The following HIP1 variants were observed in gnomAD, a reference collection of about 807,000 sequenced individuals.
The protein encoded by HIP1 is huntingtin interacting protein 1.
HIP1 carries 65 observed loss-of-function variants against 147.6 expected under a neutral mutation model. The ratio of observed to expected loss-of-function variants is 0.44; its 90% CI spans 0.36 to 0.54. The LOEUF (loss-of-function observed/expected upper bound fraction) is 0.54, where lower values mean the gene tolerates loss of function less well. Ranked by LOEUF, HIP1 falls within the 20% of genes least tolerant of loss-of-function variation. The pLI, the probability that HIP1 is intolerant of heterozygous loss-of-function variation, is 0.00. For synonymous variants in HIP1, 479 were observed against 504.0 expected (o/e 0.95, Z 0.67); for missense variants, 1,061 against 1,299.6 (o/e 0.82, Z 2.82).
At chr7:75,638,005 TACACACACACACACAC>T (rs372119007) in intron 1 of HIP1, among the ~76,000 whole-genome samples, 2 of 43,982 alleles carry the variant, frequency 4.5e-5, no homozygotes, top group Admixed American at 6.7e-4. Flanking sequence ...CACACACACA[TACACACACACACACAC>T]ACACACACAC....
At chr7:75,727,594 C>T (rs953588912) in intron 1 of HIP1, among the ~76,000 whole-genome samples, 1 of 152,026 alleles carries the variant, frequency 6.6e-6, no homozygotes, top group Admixed American at 6.6e-5. Context: ...GCCTATAATA[C>T]CAGCACTTTG....
rs782344212 is a variant in HIP1 at position 75,614,725 on chromosome 7, T to C, written c.121-15478A>G. The stretch of plus-strand genomic sequence containing the variant: ...TGTTACAATAGCGAATTTCATGTTA[T>C]ATGTATTTTGTCACAGGAAAAAAAA... On this transcript the variant is annotated intron_variant, in intron 1 of 30. Coordinates refer to ENST00000336926, the MANE Select transcript of HIP1 (RefSeq NM_005338.7). Among the ~76,000 whole-genome samples the C allele has an allele frequency of 2.7e-5, 4 of 149,520 alleles. 1 individual carries two copies. Among genetic ancestry groups the C allele is most frequent in the African/African-American group, 1.0e-4 (4 of 39,678 alleles).
chr7:75,679,193 A>G (rs1437189469), intron 1 of HIP1, among the ~76,000 whole-genome samples: 2 of 152,128 alleles, frequency 1.3e-5, no homozygotes, highest in Non-Finnish European at 2.9e-5. Flanking sequence ...CTAGATCAAC[A>G]ATACATCTTG....
intron 22 of HIP1, among the ~76,000 whole-genome samples, chr7:75,551,680 C>T (rs1447858968): frequency 6.6e-6 from 1 of 152,086 alleles, no homozygotes; most frequent in African/African-American, 2.4e-5. Flanking sequence ...GGTGATCCTC[C>T]TGCCTCAGCC....
intron 7 of HIP1, among the ~76,000 whole-genome samples, chr7:75,578,496 T>C (rs1795922190): frequency 6.6e-6 from 1 of 152,112 alleles, no homozygotes; most frequent in African/African-American, 2.4e-5. Context: ...GGCAACATAA[T>C]GAAGCCTTGT....
Position 75,553,434 on chromosome 7 carries a change from A to G in HIP1, c.2295+19T>C, listed in dbSNP as rs1554492485. On this transcript the variant is annotated intron_variant, in intron 22 of 30. Coordinates refer to ENST00000336926, the MANE Select transcript of HIP1 (RefSeq NM_005338.7). ...CCCAGAAGAATAACAATGCTCCTCA[A>G]TGATACTACTCCAAGTACCTCGCCG... is the stretch of plus-strand genomic sequence containing the variant. 1 of 1,612,402 alleles carries G rather than the reference A, an allele frequency of 6.2e-7. No homozygotes were observed. The highest frequency in any genetic ancestry group is 2.2e-5 in the East Asian group (1 of 44,854).
intron 1 of HIP1, among the ~76,000 whole-genome samples, chr7:75,648,856 A>G (rs904930195): frequency 6.6e-6 from 1 of 152,126 alleles, no homozygotes; most frequent in Non-Finnish European, 1.5e-5. Flanking sequence ...CTGTAATCCC[A>G]GCACTTTAGG....
chr7:75,593,199 C>T (rs1796561912), intron 2 of HIP1, among the ~76,000 whole-genome samples: 1 of 152,080 alleles, frequency 6.6e-6, no homozygotes, highest in Non-Finnish European at 1.5e-5. Flanking sequence ...AAGCTCCTGG[C>T]CTCAAGTGGT....
intron 8 of HIP1, among the ~76,000 whole-genome samples, chr7:75,572,713 T>G (rs1795689971): frequency 6.6e-6 from 1 of 152,186 alleles, no homozygotes; most frequent in Admixed American, 6.5e-5. Flanking sequence ...AGCCTCCCTG[T>G]GCTCTTGAGG....
intron 9 of HIP1, among the ~76,000 whole-genome samples, chr7:75,565,846 C>CCGAAGATAACCTCACGCCCACAAGTATT (rs1563206893): frequency 2.6e-5 from 4 of 151,468 alleles, no homozygotes; most frequent in African/African-American, 9.8e-5. Context: ...ATTCTCCTGC[C>CCGAAGATAACCTCACGCCCACAAGTATT]TCAGCCTCCT....
chr7:75,586,500 C>T (rs587770081), intron 5 of HIP1, among the ~76,000 whole-genome samples: 1 of 152,276 alleles, frequency 6.6e-6, no homozygotes, highest in African/African-American at 2.4e-5. Context: ...CCGTGCCTGG[C>T]CAGGTTTCTT....
chr7:75,721,927 G>A (rs73145057), intron 1 of HIP1, among the ~76,000 whole-genome samples: 21,779 of 152,148 alleles, frequency 0.14, 2,247 homozygotes, highest in East Asian at 0.46. Context: ...GCCTAACAAG[G>A]GCCAGGTGTC....
At chr7:75,656,432 A>AG (rs1343047668) in intron 1 of HIP1, among the ~76,000 whole-genome samples, 1 of 103,042 alleles carries the variant, frequency 9.7e-6, no homozygotes, top group Non-Finnish European at 2.0e-5. Flanking sequence ...CTATAAACTT[A>AG]GAAAAAAAAA....
rs148437542 is a variant in HIP1, at chr7:75,621,098, C to T, written c.121-21851G>A. ...ATTTAAAATGAAAAAATTAGCCTGGCTTGGTGGCAGAGGTGGGAGGATGGC... is the reference window on the plus strand; with the variant it reads ...ATTTAAAATGAAAAAATTAGCCTGGTTTGGTGGCAGAGGTGGGAGGATGGC... On this transcript the variant is annotated intron_variant, in intron 1 of 30. Coordinates refer to ENST00000336926, the MANE Select transcript of HIP1 (RefSeq NM_005338.7). 6.0e-4 allele frequency among the ~76,000 whole-genome samples: 92 copies of T among 152,128 alleles called. 1 individual carries two copies. The highest frequency in any genetic ancestry group is 2.0e-3 in the African/African-American group (82 of 41,502).
Position 75,595,204 on chromosome 7 carries a change from CT to C in HIP1, c.185-2691del, listed in dbSNP as rs1354016354. Among the ~76,000 whole-genome samples, 52 of 59,940 alleles carry C rather than the reference CT, an allele frequency of 8.7e-4. 1 individual carries two copies. The South Asian group carries it at 0.031, about 35-fold the overall frequency. 39.3% of individuals were successfully genotyped at this position (59,940 alleles called of 152,430 possible). A position where few individuals can be genotyped will look rare whatever the true frequency, so the allele number is the denominator to read the frequency against. ...GTAGGAGTCCTTTCTTTCTTTCTTT[CT>C]TTCTTTCTTTCTTTCTTTCTTTCTT... On this transcript the variant is annotated intron_variant, in intron 2 of 30. Transcript: ENST00000336926.
At chr7:75,544,065 G>A (rs781974369) in intron 27 of HIP1, among the ~76,000 whole-genome samples, 3 of 151,854 alleles carry the variant, frequency 2.0e-5, no homozygotes, top group South Asian at 2.1e-4. Context: ...CCAGCTACTC[G>A]GGAGGCTGAG....
chr7:75,609,597 C>T (rs925081729), intron 1 of HIP1, among the ~76,000 whole-genome samples: 3 of 150,524 alleles, frequency 2.0e-5, no homozygotes, highest in African/African-American at 2.4e-5. Context: ...CTTGCCCTGT[C>T]GCCAGGCTGC....
chr7:75,601,613 C>CA (rs1554502941), intron 1 of HIP1, among the ~76,000 whole-genome samples: 2 of 109,088 alleles, frequency 1.8e-5, no homozygotes, highest in South Asian at 2.7e-4. Context: ...TCAACAACAA[C>CA]AACAAAAAAA....
intron 1 of HIP1, among the ~76,000 whole-genome samples, chr7:75,677,605 A>T (rs1232663425): frequency 1.4e-4 from 2 of 14,240 alleles, no homozygotes; most frequent in Admixed American, 8.3e-4. Context: ...ACTCCATCTA[A>T]AAAAAAAAAA....
Sources: gnomAD v4.1 joint callset for allele counts (sites outside exome capture counted in the v4.1 genomes callset) on GRCh38, gnomAD v4.1.1 for gene constraint, MANE v1.5 for transcripts, NCBI Gene and HGNC (gene_info 2026-07-23, HGNC 2026-07-21) for gene names.